WDR11: variants seen among roughly 807,000 people sequenced by gnomAD.
WDR11 encodes WD repeat domain 11.
Under a neutral mutation model 151.2 loss-of-function variants are expected in WDR11, and 83 were observed. That is an observed-to-expected ratio of 0.55 (90% CI 0.46 to 0.66). The LOEUF is 0.66. Ranked by LOEUF, WDR11 falls within the 30% of genes least tolerant of loss-of-function variation. The pLI is 0.00. For missense variants in WDR11, 1,301 were observed against 1,480.9 expected, an observed-to-expected ratio of 0.88 and a Z score of 1.99; for synonymous variants, 484 against 533.1, an observed-to-expected ratio of 0.91 and a Z score of 1.27.
chr10:120,903,958 T>C (rs1178150920), intron 23 of WDR11, 89 bp from the exon 24 acceptor site: 1 of 873,822 alleles, frequency 1.1e-6, no homozygotes, highest in African/African-American at 1.7e-5. Flanking sequence ...AAGTAGTTTA[T>C]TAAAATGATC....
At position 120,862,730 on chromosome 10, in the gene WDR11, T is replaced by C. The variant is rs748908190; in HGVS notation, c.527-5T>C. ...TTAATCAGAGTTTTGCTTTTCTCAA[T>C]ATAGTGCTTACCAGCGAGGGTATTG... On this transcript the variant is annotated splice_region_variant and splice_polypyrimidine_tract_variant and intron_variant, in intron 4 of 28. Coordinates refer to ENST00000263461, the MANE Select transcript of WDR11 (RefSeq NM_018117.12). The C allele has an allele frequency of 6.2e-7, 1 of 1,614,104 alleles. No homozygotes were observed.
chr10:120,872,187 C>T (rs930436668), intron 10 of WDR11, among the ~76,000 whole-genome samples: 5 of 152,262 alleles, frequency 3.3e-5, no homozygotes, highest in Admixed American at 6.5e-5. Flanking sequence ...TTGGGTATTA[C>T]TGTTTGGTAG....
intron 2 of WDR11, among the ~76,000 whole-genome samples, chr10:120,856,575 CAAA>C (rs71019798): frequency 2.0e-5 from 2 of 101,894 alleles, no homozygotes; most frequent in Non-Finnish European, 1.9e-5. Context: ...ACTCTGTCTC[CAAA>C]AAAAAAAAAA....
chr10:120,860,041 A>G, intron 3 of WDR11, 68 bp from the exon 4 acceptor site: 1 of 1,582,148 alleles, frequency 6.3e-7, no homozygotes, highest in Non-Finnish European at 8.7e-7. Flanking sequence ...AATATCAAGG[A>G]CAAGTTAGCC....
At position 120,902,252 on chromosome 10, in the gene WDR11, C is replaced by G. The variant is rs188669165; in HGVS notation, c.2688-5C>G. On this transcript the variant is annotated splice_polypyrimidine_tract_variant and splice_region_variant and intron_variant, in intron 21 of 28. Transcript: ENST00000263461. ...GTCTCACTTTTGTCCGGATTTCTTC[C>G]ACAGTGACATAAAGAAACTGTTGCT... is the stretch of plus-strand genomic sequence containing the variant. The G allele has an allele frequency of 9.9e-4, 1,598 of 1,613,866 alleles. 4 individuals carry two copies. The highest frequency in any genetic ancestry group is 3.7e-3 in the South Asian group (335 of 91,064).
At chr10:120,872,036 A>G (rs1395465384) in intron 10 of WDR11, among the ~76,000 whole-genome samples, 1 of 152,216 alleles carries the variant, frequency 6.6e-6, no homozygotes, top group African/African-American at 2.4e-5. Context: ...TATTTGTTTG[A>G]AACTCAACAT....
chr10:120,905,079 CTG>C (rs1254664333), intron 25 of WDR11, among the ~76,000 whole-genome samples: 16 of 152,222 alleles, frequency 1.1e-4, no homozygotes, highest in African/African-American at 3.9e-4. Flanking sequence ...ACAATAAAAC[CTG>C]TGAGAGAACT....
At chr10:120,869,800 A>T (rs936306861) in intron 9 of WDR11, among the ~76,000 whole-genome samples, 22 of 151,280 alleles carry the variant, frequency 1.5e-4, no homozygotes, top group African/African-American at 5.3e-4. Flanking sequence ...ATTTTATTTT[A>T]TTTTTTTTGA....
In WDR11 at chr10:120,853,334, C is replaced by T. The variant is rs146582293; in HGVS notation, c.198+699C>T. 9.4e-3 allele frequency among the ~76,000 whole-genome samples: 1,428 copies of T among 151,772 alleles called. 21 individuals are homozygous for T. The highest frequency in any genetic ancestry group is 0.032 in the African/African-American group (1,334 of 41,328). ...AGGCTGGAGTGCAGTGGCATGATCTCGGCTCACTGTAAGCTCCACATCCTG... is the reference window on the plus strand; with the variant it reads ...AGGCTGGAGTGCAGTGGCATGATCTTGGCTCACTGTAAGCTCCACATCCTG... On this transcript the variant is annotated intron_variant, in intron 2 of 28. Coordinates refer to ENST00000263461, the MANE Select transcript of WDR11 (RefSeq NM_018117.12).
rs372051040 is a variant in WDR11, at chr10:120,858,733, G to A, written c.289G>A (p.Val97Ile). 179 of 1,614,186 alleles carry A rather than the reference G, an allele frequency of 1.1e-4. No individual in the cohort carries two copies. The highest frequency in any genetic ancestry group is 1.5e-4 in the Non-Finnish European group (173 of 1,180,038). Reference protein sequence around the residue: ...ASADVNGKIIVWDVAAGVAQC... With the variant: ...ASADVNGKIIIWDVAAGVAQC... ...TGCTGATGTCAATGGGAAGATCATC[G>A]TCTGGGATGTAGCAGCAGGAGTAGC... Residue 97 changes from valine (V) to isoleucine (I), a missense_variant, in exon 3 of 29, where the codon GTC (valine) becomes ATC (isoleucine). Physicochemically the swap from Val to Ile is conservative, Grantham distance 29. This residue lies in a region of WDR11 where 692 missense variants were observed against 762.5 expected (regional missense o/e 0.91). Coordinates refer to ENST00000263461, the MANE Select transcript of WDR11 (RefSeq NM_018117.12).
At chr10:120,896,332 A>G (rs1216347776) in intron 19 of WDR11, among the ~76,000 whole-genome samples, 2 of 152,218 alleles carry the variant, frequency 1.3e-5, no homozygotes, top group Admixed American at 1.3e-4. Flanking sequence ...GAAGATGTAG[A>G]TGGAAAAATG....
At chr10:120,876,693 T>TA (rs1315017858) in intron 11 of WDR11, among the ~76,000 whole-genome samples, 2 of 152,240 alleles carry the variant, frequency 1.3e-5, no homozygotes, top group African/African-American at 4.8e-5. Context: ...TGGTCAGCAC[T>TA]AACCAATCGA....
chr10:120,888,978 T>A, intron 16 of WDR11, 100 bp from the exon 17 acceptor site: 1 of 912,818 alleles, frequency 1.1e-6, no homozygotes, highest in Non-Finnish European at 1.7e-6. Flanking sequence ...AAAAGCATAC[T>A]AAAGCACAGC....
rs545997657 is a variant in WDR11 at position 120,893,763 on chromosome 10, C to T, written c.2515+2876C>T. Among the ~76,000 whole-genome samples the T allele has an allele frequency of 2.2e-4, 34 of 152,080 alleles. No homozygotes were observed. The East Asian group carries it at 6.0e-3, about 27-fold the overall frequency. On this transcript the variant is annotated intron_variant, in intron 19 of 28. Coordinates refer to ENST00000263461, the MANE Select transcript of WDR11 (RefSeq NM_018117.12). Reference sequence around the variant, plus strand: ...TTTTGAGTTGCATTTCTCTGATGGCCAGTGATGATGAGCATTTTTTCATGT... The same window carrying T: ...TTTTGAGTTGCATTTCTCTGATGGCTAGTGATGATGAGCATTTTTTCATGT...
At chr10:120,854,435 A>G (rs553349678) in intron 2 of WDR11, among the ~76,000 whole-genome samples, 2 of 152,306 alleles carry the variant, frequency 1.3e-5, no homozygotes, top group East Asian at 3.9e-4. Context: ...GATATTTTGT[A>G]CTTTTTGCCT....
At chr10:120,869,855 TC>T (rs1846469271) in intron 9 of WDR11, among the ~76,000 whole-genome samples, 1 of 152,144 alleles carries the variant, frequency 6.6e-6, no homozygotes, top group African/African-American at 2.4e-5. Flanking sequence ...GGTGGCGCAA[TC>T]TCGGCTCATT....
intron 19 of WDR11, among the ~76,000 whole-genome samples, chr10:120,896,157 G>T (rs765223807): frequency 1.1e-4 from 17 of 152,204 alleles, no homozygotes; most frequent in Admixed American, 9.2e-4. Context: ...CTGATGTAGA[G>T]TGATATCCAG....
intron 6 of WDR11, 131 bp downstream of exon 6, chr10:120,865,343 C>A: frequency 1.0e-6 from 1 of 972,096 alleles, no homozygotes. Context: ...AGACTAGCAA[C>A]ACTATTTTAG....
intron 17 of WDR11, 90 bp downstream of exon 17, chr10:120,889,274 GT>G (rs1489424962): frequency 2.2e-6 from 2 of 890,820 alleles, no homozygotes; most frequent in Admixed American, 3.9e-5. Flanking sequence ...GTCTTGCTCT[GT>G]CGCCCAGGCT....
Sources: allele counts gnomAD v4.1 joint callset (sites outside exome capture counted in the v4.1 genomes callset), GRCh38; gene constraint gnomAD v4.1.1; regional missense constraint gnomAD v4.1.1; transcripts MANE v1.5; gene names NCBI Gene and HGNC (gene_info 2026-07-23, HGNC 2026-07-21).